The following ZNF761 variants were observed in gnomAD, a reference collection of about 807,000 sequenced individuals.
ZNF761 encodes zinc finger protein 761.
ZNF761 carries 43 observed loss-of-function variants against 59.9 expected under a neutral mutation model. The ratio of observed to expected loss-of-function variants is 0.72; its 90% CI spans 0.56 to 0.92. The LOEUF is 0.92. ZNF761 is among the 40% of genes least tolerant of loss of function. The pLI is 0.00. For synonymous variants in ZNF761, 294 were observed against 304.8 expected, an observed-to-expected ratio of 0.96 and a Z score of 0.37; for missense variants, 850 against 906.1, an observed-to-expected ratio of 0.94 and a Z score of 0.79.
Position 53,447,910 on chromosome 19 carries a change from T to A in ZNF761, c.15+627T>A, listed in dbSNP as rs187339325. 2.2e-3 allele frequency among the ~76,000 whole-genome samples: 332 copies of A among 152,330 alleles called. 1 individual carries two copies. Among genetic ancestry groups the A allele is most frequent in the Non-Finnish European group, 3.8e-3 (256 of 68,026 alleles). Reference sequence around the variant, plus strand: ...ATTCATTAAACCATTCTTAGCACATTACGCTCATGGAGACTGTGGTGTTAC... The same window carrying A: ...ATTCATTAAACCATTCTTAGCACATAACGCTCATGGAGACTGTGGTGTTAC... On this transcript the variant is annotated intron_variant, in intron 3 of 4. Transcript: ENST00000684525.
In ZNF761 at chr19:53,454,882, A is replaced by T. The variant is rs147142607; in HGVS notation, c.375A>T (p.Arg125=). The T allele has an allele frequency of 1.9e-6, 3 of 1,614,216 alleles. No homozygotes were observed. The highest frequency in any genetic ancestry group is 2.5e-6 in the Non-Finnish European group (3 of 1,180,028). ...AAAAGTTGACAGGTATTACAGAACG[A>T]TATGATCAAAGTCATGCTAGAAACA... ...KIKKLTGITE[R]YDQSHARNKP... The change falls in exon 5 of 5, where the codon CGA becomes CGT. Residue 125 remains arginine (R), a synonymous_variant. Coordinates refer to ENST00000684525, the MANE Select transcript of ZNF761 (RefSeq NM_001289951.2).
At chr19:53,445,531 T>C (rs2617748) in intron 1 of ZNF761, among the ~76,000 whole-genome samples, 13,060 of 151,954 alleles carry the variant, frequency 0.086, 706 homozygotes, top group African/African-American at 0.14. Context: ...AACTTGGAGA[T>C]GAGGGGCTAG....
At position 53,457,143 on chromosome 19, in the gene ZNF761, G is replaced by A. The variant is rs2086279784; in HGVS notation, c.*395G>A. On this transcript the variant is annotated 3_prime_UTR_variant, in exon 5 of 5. Transcript: ENST00000684525. The stretch of plus-strand genomic sequence containing the variant: ...TGTTTACCGTCAGGCAATCCATGGT[G>A]TAGGGAAACTTTACTAAGGTAATGA... The A allele has an allele frequency of 1.2e-5, 6 of 520,956 alleles. No homozygotes were observed. Among genetic ancestry groups the A allele is most frequent in the Middle Eastern group, 3.3e-4 (1 of 3,068 alleles). The allele number at this position is 520,956 out of a possible 1,614,324, so 32.3% of individuals were successfully genotyped here. A position where few individuals can be genotyped will look rare whatever the true frequency, so the allele number is the denominator to read the frequency against.
In ZNF761 at chr19:53,455,810, G is replaced by T. The variant is rs1206288098; in HGVS notation, c.1303G>T (p.Asp435Tyr). ...FEIHRKIHTE[D>Y]NAYKCNECGK... ...AATACATCGGAAAATTCATACTGAA[G>T]ACAATGCTTACAAGTGTAATGAGTG... The change falls in exon 5 of 5, where the codon GAC (aspartate) becomes TAC (tyrosine). Residue 435 changes from aspartate to tyrosine, a missense_variant. Coordinates refer to ENST00000684525, the MANE Select transcript of ZNF761 (RefSeq NM_001289951.2). 1.2e-6 allele frequency: 2 copies of T among 1,613,980 alleles called. No individual in the cohort carries two copies. The highest frequency in any genetic ancestry group is 1.7e-6 in the Non-Finnish European group (2 of 1,180,000).
At chr19:53,442,850 A>G in intron 1 of ZNF761, 4 of 444,340 alleles carry the variant, frequency 9.0e-6, no homozygotes, top group South Asian at 3.9e-5. Flanking sequence ...TGTGAGCCCA[A>G]TGCATAATGT....
chr19:53,435,289 C>CTTTTTTTTTTTTTTTTTTTTTTTT (rs368157010), intron 1 of ZNF761, among the ~76,000 whole-genome samples: 1 of 53,590 alleles, frequency 1.9e-5, no homozygotes, highest in Non-Finnish European at 3.4e-5. Flanking sequence ...AATACAAGTC[C>CTTTTTTTTTTTTTTTTTTTTTTTT]TTTTTTTTTT....
chr19:53,455,050 T>C lies in ZNF761; in HGVS notation c.543T>C (p.Ser181=), dbSNP rs576167340. The change falls in exon 5 of 5, where the codon TCT becomes TCC. Residue 181 remains serine (S), a synonymous_variant. Coordinates refer to ENST00000684525, the MANE Select transcript of ZNF761 (RefSeq NM_001289951.2). ...TGGTTTCAACAGCCCAAAGAATTTC[T>C]TGTAGGCCCAAAACCCATATATCTA... ...ASLVSTAQRI[S]CRPKTHISNN... is the part of the protein sequence containing the mutation. 6.2e-7 allele frequency: 1 copy of C among 1,614,192 alleles called. No homozygotes were observed. The highest frequency in any genetic ancestry group is 8.5e-7 in the Non-Finnish European group (1 of 1,180,036).
rs545085139 is a variant in ZNF761, at chr19:53,434,544, G to A, written c.-185+2516G>A. 2.0e-5 allele frequency among the ~76,000 whole-genome samples: 3 copies of A among 152,248 alleles called. No individual in the cohort carries two copies. The South Asian group carries it at 6.2e-4, about 32-fold the overall frequency. On this transcript the variant is annotated intron_variant, in intron 1 of 4. Transcript: ENST00000684525. ...AGAATGGGTTTGGATGAGGTGATCT[G>A]GAGTCATCTTTGCCTTGCCACAAAG...
Position 53,455,126 on chromosome 19 carries a change from G to T in ZNF761, c.619G>T (p.Glu207Ter). The T allele has an allele frequency of 6.2e-7, 1 of 1,614,162 alleles. No homozygotes were observed. Among genetic ancestry groups the T allele is most frequent in the Non-Finnish European group, 8.5e-7 (1 of 1,180,036 alleles). The change falls in exon 5 of 5, where the codon GAA becomes TAA. Residue 207 changes from glutamate (E) to a stop codon, truncating the protein, a stop_gained. Coordinates refer to ENST00000684525, the MANE Select transcript of ZNF761 (RefSeq NM_001289951.2). LOFTEE classifies it high-confidence loss of function. ...WNSSLLTQKQ[E>*]VHMREKSFQC... Reference sequence around the variant, plus strand: ...TTCTTCATTACTCACACAAAAACAGGAAGTACACATGAGAGAAAAATCTTT... The same window carrying T: ...TTCTTCATTACTCACACAAAAACAGTAAGTACACATGAGAGAAAAATCTTT...
At chr19:53,440,723 G>T (rs2086090297) in intron 1 of ZNF761, among the ~76,000 whole-genome samples, 1 of 152,074 alleles carries the variant, frequency 6.6e-6, no homozygotes, top group African/African-American at 2.4e-5. Flanking sequence ...CTATCGCCCA[G>T]GATGGAGTGC....
intron 1 of ZNF761, among the ~76,000 whole-genome samples, chr19:53,437,585 A>G (rs2927698): frequency 0.72 from 109,632 of 151,986 alleles, 40,038 homozygotes; most frequent in Non-Finnish European, 0.77. Context: ...TTTAAAATGC[A>G]GCGTGATCAT....
chr19:53,448,349 G>T (rs987175041), intron 3 of ZNF761, among the ~76,000 whole-genome samples: 2 of 152,102 alleles, frequency 1.3e-5, no homozygotes, highest in African/African-American at 4.8e-5. Context: ...ACCATCACAT[G>T]ATGTATCCAT....
At chr19:53,433,422 G>A (rs1170575426) in intron 1 of ZNF761, among the ~76,000 whole-genome samples, 1 of 151,244 alleles carries the variant, frequency 6.6e-6, no homozygotes, top group African/African-American at 2.4e-5. Context: ...GGGAAGGTGG[G>A]GGGCTGTCTG....
intron 4 of ZNF761, among the ~76,000 whole-genome samples, chr19:53,450,549 T>A (rs568268568): frequency 6.6e-6 from 1 of 152,174 alleles, no homozygotes; most frequent in Admixed American, 6.5e-5. Flanking sequence ...TTACTACTTT[T>A]TGTGTTTAAT....
At chr19:53,452,429 G>A (rs946849139) in intron 4 of ZNF761, among the ~76,000 whole-genome samples, 1 of 152,104 alleles carries the variant, frequency 6.6e-6, no homozygotes, top group African/African-American at 2.4e-5. Context: ...GTTGCAGTGA[G>A]CCAACATTGC....
chr19:53,457,003 G>A lies in ZNF761; in HGVS notation c.*255G>A. 1.5e-6 allele frequency: 1 copy of A among 688,040 alleles called. No homozygotes were observed. The highest frequency in any genetic ancestry group is 2.5e-6 in the Non-Finnish European group (1 of 392,574). 42.6% of individuals were successfully genotyped at this position (688,040 alleles called of 1,614,324 possible). A position where few individuals can be genotyped will look rare whatever the true frequency, so the allele number is the denominator to read the frequency against. On this transcript the variant is annotated 3_prime_UTR_variant, in exon 5 of 5. Coordinates refer to ENST00000684525, the MANE Select transcript of ZNF761 (RefSeq NM_001289951.2). ...AGAAACCATAAAAATGTAAGAGTTT[G>A]TGACAAGGCTTTTGGGCATGATTCG...
rs769946281 is a variant in ZNF761, at chr19:53,454,667, A to C, written c.160A>C (p.Thr54Pro). The C allele has an allele frequency of 5.0e-6, 8 of 1,596,374 alleles. No homozygotes were observed. Among genetic ancestry groups the C allele is most frequent in the Non-Finnish European group, 6.8e-6 (8 of 1,170,848 alleles). The part of the protein sequence containing the change: ...LVSLDISSKC[T>P]MKEFLSTAQG... The stretch of plus-strand genomic sequence containing the variant: ...TTTTGTAGATATCTCTTCCAAATGC[A>C]CGATGAAGGAGTTCTTGTCAACAGC... Residue 54 changes from threonine (T) to proline (P), a missense_variant, in exon 5 of 5, where the codon ACG becomes CCG. Physicochemically the swap from Thr to Pro is conservative, Grantham distance 38 (BLOSUM62 -1). Coordinates refer to ENST00000684525, the MANE Select transcript of ZNF761 (RefSeq NM_001289951.2).
rs375581413 is a variant in ZNF761 at position 53,456,594 on chromosome 19, G to T, written c.2087G>T (p.Gly696Val). 1.6e-5 allele frequency: 25 copies of T among 1,611,880 alleles called. No individual in the cohort carries two copies. The highest frequency in any genetic ancestry group is 1.7e-6 in the Non-Finnish European group (2 of 1,179,142). The stretch of plus-strand genomic sequence containing the variant: ...AAACCTTATAAGTGTAATGAGTGTG[G>T]CAAGAACTTTAGTCAGAAGTCATCC... ...GEKPYKCNEC[G>V]KNFSQKSSLI... Residue 696 changes from glycine (G) to valine (V), a missense_variant, in exon 5 of 5, where the codon GGC (glycine) becomes GTC (valine). Physicochemically the swap from Gly to Val is moderately radical, Grantham distance 109. Transcript: ENST00000684525.
Position 53,455,743 on chromosome 19 carries a change from T to G in ZNF761, c.1236T>G (p.Cys412Trp). Residue 412 changes from cysteine (C) to tryptophan (W), a missense_variant, in exon 5 of 5, where the codon TGT (cysteine) becomes TGG (tryptophan). Cys to Trp is a radical substitution (Grantham distance 215). Coordinates refer to ENST00000684525, the MANE Select transcript of ZNF761 (RefSeq NM_001289951.2). ...RLHTGEKPYKCEECDKAYSFR... is the reference protein window; with the variant it reads ...RLHTGEKPYKWEECDKAYSFR... ...ATACTGGAGAGAAACCTTACAAATG[T>G]GAAGAATGTGACAAAGCTTACAGTT... 1 of 1,613,942 alleles carries G rather than the reference T, an allele frequency of 6.2e-7. No homozygotes were observed. The highest frequency in any genetic ancestry group is 1.7e-5 in the Admixed American group (1 of 60,004).
Sources: allele counts gnomAD v4.1 joint callset (sites outside exome capture counted in the v4.1 genomes callset), GRCh38; gene constraint gnomAD v4.1.1; transcripts MANE v1.5; gene names NCBI Gene and HGNC (gene_info 2026-07-23, HGNC 2026-07-21).